CLTB: variants seen among roughly 807,000 people sequenced by gnomAD.
The protein encoded by CLTB is clathrin light chain B.
A neutral mutation model predicts 30.5 loss-of-function variants in CLTB; 10 were observed. The observed-to-expected ratio is 0.33, with a 90% CI of 0.20 to 0.56. The LOEUF (loss-of-function observed/expected upper bound fraction) is 0.56. CLTB is among the 20% of genes least tolerant of loss of function. The pLI is 0.91. For synonymous variants in CLTB, 102 were observed against 120.3 expected (o/e 0.85, Z 1.00); for missense variants, 261 against 308.3 (o/e 0.85, Z 1.15).
At chr5:176,395,015 G>A (rs1331601265) in intron 5 of CLTB, among the ~76,000 whole-genome samples, 1 of 152,022 alleles carries the variant, frequency 6.6e-6, no homozygotes, top group Non-Finnish European at 1.5e-5. Flanking sequence ...TCAAGTCTGA[G>A]CTCAGCCTTG....
chr5:176,413,620 T>C (rs1757556747), intron 1 of CLTB, among the ~76,000 whole-genome samples: 2 of 152,244 alleles, frequency 1.3e-5, no homozygotes, highest in Non-Finnish European at 2.9e-5. Context: ...AGGTACTGAC[T>C]GGCGGCCGCT....
intron 2 of CLTB, among the ~76,000 whole-genome samples, chr5:176,404,447 T>A (rs939557626): frequency 6.6e-6 from 1 of 152,200 alleles, no homozygotes. Flanking sequence ...ATTTTACAAA[T>A]GAGAAGCCAG....
rs1756301190 is a variant in CLTB at position 176,392,585 on chromosome 5, G to T, written c.*189C>A. 3.3e-6 allele frequency: 2 copies of T among 608,388 alleles called. No individual in the cohort carries two copies. Among genetic ancestry groups the T allele is most frequent in the African/African-American group, 1.8e-5 (1 of 54,092 alleles). The allele number at this position is 608,388 out of a possible 1,614,324, so 37.7% of individuals were successfully genotyped here. A position where few individuals can be genotyped will look rare whatever the true frequency, so the allele number is the denominator to read the frequency against. ...AGTAGACTGAGAGGAGGCGTGAGGGGCTGGACCAGAGGGCCAGGAGGGAGC... is the reference window on the plus strand; with the variant it reads ...AGTAGACTGAGAGGAGGCGTGAGGGTCTGGACCAGAGGGCCAGGAGGGAGC... On this transcript the variant is annotated 3_prime_UTR_variant, in exon 6 of 6. Transcript: ENST00000310418. This position sits in a 1 kb window ranked among gnomAD's most constrained non-coding sequence, Gnocchi z 5.2.
At position 176,410,287 on chromosome 5, in the gene CLTB, C is replaced by T. The variant is rs947721055; in HGVS notation, c.204G>A (p.Met68Ile). The change falls in exon 2 of 6, where the codon ATG becomes ATA. Residue 68 changes from methionine to isoleucine, a missense_variant. Met to Ile is a conservative substitution (Grantham distance 10). Coordinates refer to ENST00000310418, the MANE Select transcript of CLTB (RefSeq NM_007097.5). ...ACACATCTCCATTGACTGTGGTCCC[C>T]ATGTCCTCAGAACCAGCTGGAAAGA... ...GPTSGAGSED[M>I]GTTVNGDVFQ... 3.7e-6 allele frequency: 6 copies of T among 1,613,852 alleles called. No individual in the cohort carries two copies. The highest frequency in any genetic ancestry group is 1.6e-4 in the Middle Eastern group (1 of 6,084).
intron 1 of CLTB, among the ~76,000 whole-genome samples, chr5:176,411,973 G>A (rs558319091): frequency 9.8e-4 from 149 of 151,926 alleles, no homozygotes; most frequent in Middle Eastern, 3.4e-3. Context: ...TCAGGAGATC[G>A]AGACCATCCT....
At chr5:176,410,911 C>T (rs1757393674) in intron 1 of CLTB, among the ~76,000 whole-genome samples, 1 of 152,212 alleles carries the variant, frequency 6.6e-6, no homozygotes, top group South Asian at 2.1e-4. Flanking sequence ...CCTCCCTGTC[C>T]CTTTCCTTGA....
chr5:176,395,857 G>T (rs1230429880), intron 5 of CLTB, among the ~76,000 whole-genome samples: 1 of 152,036 alleles, frequency 6.6e-6, no homozygotes, highest in Non-Finnish European at 1.5e-5. Flanking sequence ...CCCTTCAGCT[G>T]GGTGTGGTGG....
chr5:176,406,686 T>C (rs1469580439), intron 2 of CLTB: 1 of 1,288,708 alleles, frequency 7.8e-7, no homozygotes, highest in South Asian at 1.2e-5. Flanking sequence ...GGTTTGTAGC[T>C]GGACCCGCTG....
chr5:176,394,901 C>G (rs563534394), intron 5 of CLTB, among the ~76,000 whole-genome samples: 2 of 152,276 alleles, frequency 1.3e-5, no homozygotes, highest in African/African-American at 4.8e-5. Flanking sequence ...TCCTCAGGCT[C>G]AACAGAAGCA....
intron 5 of CLTB, among the ~76,000 whole-genome samples, chr5:176,394,551 C>T (rs975408747): frequency 4.6e-5 from 7 of 151,882 alleles, no homozygotes; most frequent in Non-Finnish European, 7.4e-5. Context: ...GGCGCGGTGG[C>T]TCATGCCTGT....
At chr5:176,402,558 GTTTAT>G (rs60329426) in intron 2 of CLTB, among the ~76,000 whole-genome samples, 7,896 of 152,174 alleles carry the variant, frequency 0.052, 662 homozygotes, top group African/African-American at 0.18. Flanking sequence ...TTGTTTACCT[GTTTAT>G]TTTCTGTGTC....
intron 1 of CLTB, among the ~76,000 whole-genome samples, chr5:176,411,858 T>C (rs550467534): frequency 6.6e-6 from 1 of 152,152 alleles, no homozygotes; most frequent in South Asian, 2.1e-4. Flanking sequence ...ATCCCCATGC[T>C]TTCTTCCTGC....
In CLTB at chr5:176,416,493, C is replaced by A. The variant is rs1428075777; in HGVS notation, c.-130G>T. The stretch of plus-strand genomic sequence containing the variant: ...CCGGCGTCGGCGGGGACGGGCTTGG[C>A]GCGGACCGCACTTCCTCTCCGCCAC... On this transcript the variant is annotated 5_prime_UTR_variant, in exon 1 of 6. Coordinates refer to ENST00000310418, the MANE Select transcript of CLTB (RefSeq NM_007097.5). 14 of 745,458 alleles carry A rather than the reference C, an allele frequency of 1.9e-5. No individual in the cohort carries two copies. The highest frequency in any genetic ancestry group is 2.5e-5 in the Non-Finnish European group (14 of 551,094). 46.2% of individuals were successfully genotyped at this position (745,458 alleles called of 1,614,324 possible). A position where few individuals can be genotyped will look rare whatever the true frequency, so the allele number is the denominator to read the frequency against.
intron 1 of CLTB, among the ~76,000 whole-genome samples, chr5:176,410,643 C>A (rs1757376991): frequency 6.6e-6 from 1 of 152,160 alleles, no homozygotes; most frequent in African/African-American, 2.4e-5. Flanking sequence ...ATCACTGACC[C>A]CTGGCCATGG....
Position 176,397,608 on chromosome 5 carries a change from G to A in CLTB, c.463C>T (p.Arg155Trp), listed in dbSNP as rs765062245. 1.5e-5 allele frequency: 22 copies of A among 1,429,958 alleles called. No homozygotes were observed. In the Admixed American group the frequency reaches 1.8e-4, roughly 12 times the overall value. 88.6% of individuals were successfully genotyped at this position (1,429,958 alleles called of 1,614,324 possible). A position where few individuals can be genotyped will look rare whatever the true frequency, so the allele number is the denominator to read the frequency against. The change falls in exon 4 of 6, where the codon CGG becomes TGG. Residue 155 changes from arginine to tryptophan, a missense_variant and splice_region_variant. By Grantham distance (101) the Arg-to-Trp change is moderately radical. This residue lies in a region of CLTB where 123 missense variants were observed against 157.0 expected (regional missense o/e 0.78). Coordinates refer to ENST00000310418, the MANE Select transcript of CLTB (RefSeq NM_007097.5). ...CTCATGTCCCTACAGCCCTCTCACC[G>A]GTTGTTGATCTTGTTCTTCTCTACT... ...EQVEKNKINN[R>W]IADKAFYQQP...
At position 176,398,063 on chromosome 5, in the gene CLTB, G is replaced by A. The variant is rs765384233; in HGVS notation, c.235-16C>T. 9 of 1,608,658 alleles carry A rather than the reference G, an allele frequency of 5.6e-6. No homozygotes were observed. Among genetic ancestry groups the A allele is most frequent in the South Asian group, 2.2e-5 (2 of 90,982 alleles). ...CGTTGGCCTCCTAGAACACAAACACGCAGCAGTCTATCCAGCCAGCACACC... is the reference window on the plus strand; with the variant it reads ...CGTTGGCCTCCTAGAACACAAACACACAGCAGTCTATCCAGCCAGCACACC... On this transcript the variant is annotated splice_polypyrimidine_tract_variant and intron_variant, in intron 2 of 5. Coordinates refer to ENST00000310418, the MANE Select transcript of CLTB (RefSeq NM_007097.5).
intron 2 of CLTB, chr5:176,406,438 A>G: frequency 1.7e-6 from 2 of 1,167,426 alleles, no homozygotes; most frequent in Non-Finnish European, 2.2e-6. Context: ...GGGATGGCCA[A>G]GAGGATGAGC....
intron 1 of CLTB, among the ~76,000 whole-genome samples, chr5:176,410,839 T>A (rs1757391327): frequency 6.6e-6 from 1 of 152,032 alleles, no homozygotes; most frequent in African/African-American, 2.4e-5. Flanking sequence ...CAGAAGCACC[T>A]GGCATATTTT....
intron 5 of CLTB, among the ~76,000 whole-genome samples, chr5:176,394,605 C>CAGG (rs537142551): frequency 0.081 from 12,237 of 151,744 alleles, 1,683 homozygotes; most frequent in African/African-American, 0.28. Flanking sequence ...ATCACGAGGT[C>CAGG]AGATGGAGAG....
Sources: gnomAD v4.1 joint callset for allele counts (sites outside exome capture counted in the v4.1 genomes callset) on GRCh38, gnomAD v4.1.1 for gene constraint, gnomAD v4.1.1 regional missense constraint, Gnocchi (gnomAD v3.1) non-coding constraint, MANE v1.5 for transcripts, NCBI Gene and HGNC (gene_info 2026-07-23, HGNC 2026-07-21) for gene names.